CACNA2D3: variants seen among roughly 807,000 people sequenced by gnomAD.
The protein encoded by CACNA2D3 is voltage-dependent calcium channel subunit alpha-2/delta-3.
CACNA2D3 carries 60 observed loss-of-function variants against 160.6 expected under a neutral mutation model. The observed-to-expected ratio is 0.37, with a 90% CI of 0.30 to 0.46. The LOEUF (loss-of-function observed/expected upper bound fraction) is 0.46, where lower values mean the gene tolerates loss of function less well. Among genes scored for constraint, CACNA2D3 ranks in the 20% least tolerant of loss-of-function variants. The pLI, the probability that CACNA2D3 is intolerant of heterozygous loss-of-function variation, is 1.00. For synonymous variants in CACNA2D3, 558 were observed against 492.9 expected (o/e 1.13, Z -1.75); for missense variants, 1,205 against 1,365.0 (o/e 0.88, Z 1.85).
intron 27 of CACNA2D3, among the ~76,000 whole-genome samples, chr3:54,936,846 C>T (rs1327500934): frequency 6.6e-6 from 1 of 152,110 alleles, no homozygotes; most frequent in Non-Finnish European, 1.5e-5. Flanking sequence ...CAAGCAAGCT[C>T]CTTCATGTGT....
chr3:54,493,450 T>C (rs1401229755), intron 4 of CACNA2D3, among the ~76,000 whole-genome samples: 1 of 152,124 alleles, frequency 6.6e-6, no homozygotes, highest in Non-Finnish European at 1.5e-5. Context: ...TAATGTCCAG[T>C]GCTTATTCCA....
In CACNA2D3 at chr3:54,977,329, T is replaced by C. The variant is rs1315406620; in HGVS notation, c.2557-7279T>C. 3.9e-5 allele frequency among the ~76,000 whole-genome samples: 6 copies of C among 152,328 alleles called. No individual in the cohort carries two copies. The South Asian group carries it at 1.0e-3, about 26-fold the overall frequency. On this transcript the variant is annotated intron_variant, in intron 29 of 37. Transcript: ENST00000474759. ...TCTTTCTGCCTCTGACAGATTCTAA[T>C]GTGCCAATGGCTTCCTGTGCGATTG...
intron 11 of CACNA2D3, among the ~76,000 whole-genome samples, chr3:54,649,014 T>G (rs768342872): frequency 1.3e-5 from 2 of 152,070 alleles, no homozygotes; most frequent in Non-Finnish European, 1.5e-5. Context: ...CAACATGAGA[T>G]TTGTAGGGGC....
chr3:54,463,788 A>G (rs898911943), intron 4 of CACNA2D3, among the ~76,000 whole-genome samples: 8 of 152,204 alleles, frequency 5.3e-5, no homozygotes, highest in South Asian at 2.1e-4. Context: ...GTCATTCTCC[A>G]TCCAGCTTTG....
At chr3:54,180,674 C>T (rs190011967) in intron 2 of CACNA2D3, among the ~76,000 whole-genome samples, 16 of 152,296 alleles carry the variant, frequency 1.1e-4, no homozygotes, top group African/African-American at 3.8e-4. Flanking sequence ...CTTTGAGGCT[C>T]AAGTCATATA....
At chr3:54,969,471 G>A (rs1702224845) in intron 28 of CACNA2D3, among the ~76,000 whole-genome samples, 1 of 152,094 alleles carries the variant, frequency 6.6e-6, no homozygotes, top group African/African-American at 2.4e-5. Flanking sequence ...ATGTGGCCAG[G>A]CTGGTCTCGA....
chr3:54,742,372 C>T (rs758243443), intron 11 of CACNA2D3, among the ~76,000 whole-genome samples: 5 of 151,890 alleles, frequency 3.3e-5, no homozygotes, highest in Non-Finnish European at 7.4e-5. Context: ...GAGCTGTGAT[C>T]GAGCCACTGC....
rs143701948 is a variant in CACNA2D3 at position 54,473,927 on chromosome 3, G to A, written c.382-29565G>A. Among the ~76,000 whole-genome samples, 369 of 152,272 alleles carry A rather than the reference G, an allele frequency of 2.4e-3. 2 individuals are homozygous for A. The highest frequency in any genetic ancestry group is 3.7e-3 in the Admixed American group (56 of 15,298). ...ATGCTGGAGAGGATATGGAGAAATA[G>A]GAATGCTTTTACACTATTGGTAGGA... On this transcript the variant is annotated intron_variant, in intron 4 of 37. Transcript: ENST00000474759.
chr3:54,912,609 A>G (rs1238898801), intron 27 of CACNA2D3, among the ~76,000 whole-genome samples: 1 of 151,976 alleles, frequency 6.6e-6, no homozygotes, highest in Non-Finnish European at 1.5e-5. Context: ...TCTCTCCTCA[A>G]ATATTTTCTC....
intron 27 of CACNA2D3, among the ~76,000 whole-genome samples, chr3:54,926,505 TACAC>T (rs36205023): frequency 0.044 from 6,254 of 143,304 alleles, 197 homozygotes; most frequent in East Asian, 0.076. Context: ...GCCTGTCAAA[TACAC>T]ACACACACAC....
intron 2 of CACNA2D3, among the ~76,000 whole-genome samples, chr3:54,135,051 A>G (rs1333925591): frequency 6.6e-6 from 1 of 152,146 alleles, no homozygotes; most frequent in Non-Finnish European, 1.5e-5. Context: ...CCACATTATC[A>G]CTGATATTAG....
intron 4 of CACNA2D3, among the ~76,000 whole-genome samples, chr3:54,458,278 G>A (rs976301473): frequency 1.3e-5 from 2 of 151,894 alleles, no homozygotes; most frequent in African/African-American, 4.8e-5. Context: ...AGTTTCATGT[G>A]TTTTCATTAT....
intron 13 of CACNA2D3, among the ~76,000 whole-genome samples, chr3:54,797,926 T>C (rs575565700): frequency 4.6e-5 from 7 of 152,334 alleles, no homozygotes; most frequent in South Asian, 4.1e-4. Flanking sequence ...GAAGCAAATA[T>C]AGACTCCAGG....
chr3:54,689,331 C>G (rs1700528984), intron 11 of CACNA2D3, among the ~76,000 whole-genome samples: 1 of 152,164 alleles, frequency 6.6e-6, no homozygotes, highest in Admixed American at 6.5e-5. Flanking sequence ...TTGCTACTTT[C>G]TCCTCTATCC....
chr3:54,760,008 C>A (rs1222669185), intron 12 of CACNA2D3, among the ~76,000 whole-genome samples: 1 of 152,220 alleles, frequency 6.6e-6, no homozygotes, highest in Non-Finnish European at 1.5e-5. Flanking sequence ...AGTAAGACCT[C>A]AGTGAATGTT....
intron 11 of CACNA2D3, among the ~76,000 whole-genome samples, chr3:54,730,005 A>T (rs1316969506): frequency 3.4e-5 from 5 of 149,222 alleles, no homozygotes; most frequent in African/African-American, 1.0e-4. Context: ...TCTCAAAAAA[A>T]AAAAAAAAAA....
chr3:54,747,065 G>T (rs1328439391), intron 11 of CACNA2D3, among the ~76,000 whole-genome samples: 2 of 152,062 alleles, frequency 1.3e-5, no homozygotes, highest in African/African-American at 4.8e-5. Flanking sequence ...TTAGTAAATT[G>T]TAGGAATAGC....
At chr3:54,234,555 A>C (rs1701838968) in intron 2 of CACNA2D3, among the ~76,000 whole-genome samples, 2 of 152,228 alleles carry the variant, frequency 1.3e-5, no homozygotes, top group African/African-American at 4.8e-5. Context: ...AGGCACATGC[A>C]TGCAAATGTT....
chr3:54,459,038 T>C (rs1345415120), intron 4 of CACNA2D3, among the ~76,000 whole-genome samples: 2 of 152,260 alleles, frequency 1.3e-5, no homozygotes, highest in African/African-American at 2.4e-5. Context: ...TTTTTCGTCC[T>C]TGCGATAGTT....
Sources: gnomAD v4.1 joint callset for allele counts (sites outside exome capture counted in the v4.1 genomes callset) on GRCh38, gnomAD v4.1.1 for gene constraint, MANE v1.5 for transcripts, NCBI Gene and HGNC (gene_info 2026-07-23, HGNC 2026-07-21) for gene names.